PIK3R3: variants seen among roughly 807,000 people sequenced by gnomAD.
The protein encoded by PIK3R3 is phosphatidylinositol 3-kinase regulatory subunit gamma.
PIK3R3 carries 64 observed loss-of-function variants against 62.9 expected under a neutral mutation model. The observed-to-expected ratio is 1.02, with a 90% CI of 0.83 to 1.25. The LOEUF (loss-of-function observed/expected upper bound fraction) is 1.25, where lower values mean the gene tolerates loss of function less well. Ranked by LOEUF, PIK3R3 falls within the 50% of genes most tolerant of loss-of-function variation. The pLI is 0.00. For missense variants in PIK3R3, 614 were observed against 561.6 expected, an observed-to-expected ratio of 1.09 and a Z score of -0.94; for synonymous variants, 165 against 189.0, an observed-to-expected ratio of 0.87 and a Z score of 1.04.
the PIK3R3 span, among the ~76,000 whole-genome samples, chr1:46,156,611 C>A: frequency 6.6e-5 from 10 of 152,132 alleles, no homozygotes; most frequent in African/African-American, 2.4e-4. Flanking sequence ...CAGAGCCTGA[C>A]CGGGTCTCTC....
chr1:46,067,095 T>C lies in PIK3R3; in HGVS notation c.315-4A>G, dbSNP rs1275997229. 1.9e-6 allele frequency: 3 copies of C among 1,546,384 alleles called. No homozygotes were observed. The African/African-American group carries it at 4.2e-5, about 22-fold the overall frequency. ...TAACTTATTATTGCCTCCCTTCCTG[T>C]GAACAACAAGACAACAACTGTGGAT... On this transcript the variant is annotated splice_polypyrimidine_tract_variant and splice_region_variant and intron_variant, in intron 3 of 9. Coordinates refer to ENST00000262741, the MANE Select transcript of PIK3R3 (RefSeq NM_003629.4).
At chr1:46,130,258 T>C (rs1332679717) in intron 1 of PIK3R3, among the ~76,000 whole-genome samples, 3 of 152,344 alleles carry the variant, frequency 2.0e-5, no homozygotes, top group East Asian at 1.9e-4. Flanking sequence ...TCTAGAATTA[T>C]TAACCTTACT....
chr1:46,085,784 G>A (rs1269879568), intron 1 of PIK3R3, among the ~76,000 whole-genome samples: 1 of 152,212 alleles, frequency 6.6e-6, no homozygotes, highest in Non-Finnish European at 1.5e-5. Flanking sequence ...GATAAGTTAG[G>A]TGCACCTAAG....
intron 1 of PIK3R3, among the ~76,000 whole-genome samples, chr1:46,082,969 C>G (rs958250878): frequency 6.6e-6 from 1 of 152,138 alleles, no homozygotes; most frequent in African/African-American, 2.4e-5. Context: ...ATCCCAGCTA[C>G]TCGGGAGGCT....
the PIK3R3 span, among the ~76,000 whole-genome samples, chr1:46,147,562 C>T: frequency 4.6e-5 from 7 of 152,184 alleles, no homozygotes; most frequent in Non-Finnish European, 1.0e-4. Context: ...GGACTACAGG[C>T]GCCCACCACC....
At chr1:46,158,756 T>C in the PIK3R3 span, among the ~76,000 whole-genome samples, 1 of 152,190 alleles carries the variant, frequency 6.6e-6, no homozygotes, top group Non-Finnish European at 1.5e-5. Flanking sequence ...CAAAAAAGAA[T>C]GGTTGACAAG....
At chr1:46,150,952 G>A in the PIK3R3 span, among the ~76,000 whole-genome samples, 2 of 151,804 alleles carry the variant, frequency 1.3e-5, no homozygotes, top group African/African-American at 4.8e-5. Context: ...GGGATTACAG[G>A]CATGCACCAC....
At chr1:46,048,913 C>T (rs909292462) in intron 7 of PIK3R3, among the ~76,000 whole-genome samples, 5 of 151,918 alleles carry the variant, frequency 3.3e-5, no homozygotes, top group African/African-American at 1.2e-4. Context: ...TTTCAAAAAC[C>T]TCAAATAGCT....
In PIK3R3 at chr1:46,067,075, T is replaced by C; in HGVS notation, c.331A>G (p.Lys111Glu). ...TLTLRKGGNN[K>E]LIKIYHRDGK... ...TCCCGGTGATAGATCTTTATTAACT[T>C]ATTATTGCCTCCCTTCCTGTGAACA... Residue 111 changes from lysine to glutamate, a missense_variant, in exon 4 of 10, where the codon AAG becomes GAG. Physicochemically the swap from Lys to Glu is moderately conservative, Grantham distance 56. Coordinates refer to ENST00000262741, the MANE Select transcript of PIK3R3 (RefSeq NM_003629.4). 6.4e-7 allele frequency: 1 copy of C among 1,572,048 alleles called. No homozygotes were observed. The highest frequency in any genetic ancestry group is 8.6e-7 in the Non-Finnish European group (1 of 1,161,354).
At chr1:46,056,856 A>G (rs1445126556) in intron 6 of PIK3R3, 1 of 152,246 alleles carries the variant, frequency 6.6e-6, no homozygotes, top group African/African-American at 2.4e-5. Flanking sequence ...TTCCAGAGGT[A>G]GCATAACACA....
chr1:46,136,525 C>T (rs1230616532), upstream of PIK3R3, among the ~76,000 whole-genome samples: 2 of 152,110 alleles, frequency 1.3e-5, no homozygotes, highest in Non-Finnish European at 2.9e-5. Flanking sequence ...TTTCTTAGCA[C>T]TTGAATACCC....
At chr1:46,174,244 T>C in the PIK3R3 span, among the ~76,000 whole-genome samples, 1 of 152,186 alleles carries the variant, frequency 6.6e-6, no homozygotes, top group South Asian at 2.1e-4. Flanking sequence ...GTCATGTATC[T>C]TTATATGTAT....
intron 1 of PIK3R3, among the ~76,000 whole-genome samples, chr1:46,106,390 G>A (rs998744450): frequency 6.6e-6 from 1 of 152,144 alleles, no homozygotes; most frequent in African/African-American, 2.4e-5. Context: ...ACAGGCATAA[G>A]CTATCATACC....
chr1:46,078,677 T>A (rs1434214878), intron 2 of PIK3R3, among the ~76,000 whole-genome samples: 4 of 152,204 alleles, frequency 2.6e-5, no homozygotes, highest in Non-Finnish European at 5.9e-5. Flanking sequence ...GGGACTCAGA[T>A]ATGTGTGCAC....
the PIK3R3 span, among the ~76,000 whole-genome samples, chr1:46,169,751 C>A: frequency 7.9e-5 from 12 of 152,166 alleles, no homozygotes; most frequent in Admixed American, 7.9e-4. Flanking sequence ...GACATTGCCC[C>A]ATTTCCCATG....
intron 3 of PIK3R3, among the ~76,000 whole-genome samples, chr1:46,071,711 A>AT (rs1458004572): frequency 0.093 from 5,886 of 63,136 alleles, 996 homozygotes; most frequent in Non-Finnish European, 0.11. Flanking sequence ...AAAAAAAAAA[A>AT]AATATATATA....
intron 1 of PIK3R3, among the ~76,000 whole-genome samples, chr1:46,098,523 G>A (rs1277187859): frequency 6.6e-6 from 1 of 152,194 alleles, no homozygotes; most frequent in Non-Finnish European, 1.5e-5. Flanking sequence ...AAGGAATGAA[G>A]TAATGATACA....
chr1:46,141,278 T>C, the PIK3R3 span, among the ~76,000 whole-genome samples: 342 of 152,184 alleles, frequency 2.2e-3, 1 homozygote, highest in African/African-American at 7.6e-3. Context: ...TTATTTTATT[T>C]ATTTATTTTT....
chr1:46,160,679 T>C, the PIK3R3 span, among the ~76,000 whole-genome samples: 1 of 152,244 alleles, frequency 6.6e-6, no homozygotes, highest in East Asian at 1.9e-4. Context: ...TCCTCTATCC[T>C]TAATCCCGTA....
Sources: gnomAD v4.1 joint callset for allele counts (sites outside exome capture counted in the v4.1 genomes callset) on GRCh38, gnomAD v4.1.1 for gene constraint, MANE v1.5 for transcripts, NCBI Gene and HGNC (gene_info 2026-07-23, HGNC 2026-07-21) for gene names.